PEX5L: variants seen among roughly 807,000 people sequenced by gnomAD.
PEX5L encodes PEX5-related protein.
PEX5L carries 30 observed loss-of-function variants against 84.0 expected under a neutral mutation model. That is an observed-to-expected ratio of 0.36 (90% CI 0.27 to 0.48). The LOEUF (loss-of-function observed/expected upper bound fraction) is 0.48. Among genes scored for constraint, PEX5L ranks in the 20% least tolerant of loss-of-function variants. The probability of loss-of-function intolerance (pLI) is 0.99; values close to 1 mark genes in which losing one functional copy is unlikely to be tolerated. For synonymous variants in PEX5L, 270 were observed against 283.1 expected (o/e 0.95, Z 0.46); for missense variants, 533 against 754.6 (o/e 0.71, Z 3.44).
chr3:179,823,220 A>C (rs1219775732), intron 8 of PEX5L, among the ~76,000 whole-genome samples: 1 of 152,228 alleles, frequency 6.6e-6, no homozygotes, highest in African/African-American at 2.4e-5. Context: ...CTTCTTCTAG[A>C]CATCTTCCTT....
chr3:179,838,282 T>C (rs1371693438), intron 8 of PEX5L, among the ~76,000 whole-genome samples: 2 of 152,180 alleles, frequency 1.3e-5, no homozygotes, highest in Non-Finnish European at 2.9e-5. Flanking sequence ...ATCAGAGATA[T>C]CATGTGATTC....
At chr3:180,003,491 A>T (rs1489652570) in intron 1 of PEX5L, among the ~76,000 whole-genome samples, 2 of 152,144 alleles carry the variant, frequency 1.3e-5, no homozygotes, top group African/African-American at 4.8e-5. Context: ...GTGATATTTT[A>T]ATTTTTTAAA....
intron 3 of PEX5L, among the ~76,000 whole-genome samples, chr3:179,894,673 C>A (rs1313945665): frequency 6.6e-6 from 1 of 152,004 alleles, no homozygotes; most frequent in Non-Finnish European, 1.5e-5. Context: ...TTCTTCCAAT[C>A]GAGGACATTA....
intron 8 of PEX5L, among the ~76,000 whole-genome samples, chr3:179,828,866 A>G (rs1228166348): frequency 2.0e-5 from 3 of 152,178 alleles, no homozygotes; most frequent in Non-Finnish European, 4.4e-5. Context: ...CTCATCTCCA[A>G]TTAGCCAGCA....
At chr3:179,923,412 A>G (rs548040203) in intron 2 of PEX5L, among the ~76,000 whole-genome samples, 1 of 152,194 alleles carries the variant, frequency 6.6e-6, no homozygotes, top group South Asian at 2.1e-4. Context: ...ACACTGGGGA[A>G]ATTAAAATTG....
rs535116434 is a variant in PEX5L, at chr3:179,961,508, G to T, written c.93+10086C>A. Among the ~76,000 whole-genome samples the T allele has an allele frequency of 7.9e-5, 12 of 152,246 alleles. No individual in the cohort carries two copies. The South Asian group carries it at 2.5e-3, about 32-fold the overall frequency. On this transcript the variant is annotated intron_variant, in intron 2 of 14. Coordinates refer to ENST00000467460, the MANE Select transcript of PEX5L (RefSeq NM_016559.3). ...AGACATGCACTGTAAAGTCTGGATG[G>T]AGAGAAGTAAAAGCGCAACCACAGA... is the stretch of plus-strand genomic sequence containing the variant.
chr3:179,828,686 T>C (rs1225720315), intron 8 of PEX5L, among the ~76,000 whole-genome samples: 1 of 152,176 alleles, frequency 6.6e-6, no homozygotes, highest in Non-Finnish European at 1.5e-5. Flanking sequence ...TGTGTGTGTG[T>C]GTGTTTAGGG....
chr3:179,896,260 T>C (rs1484261469), intron 3 of PEX5L: 2 of 152,150 alleles, frequency 1.3e-5, no homozygotes, highest in African/African-American at 2.4e-5. Context: ...TGTAATACTA[T>C]CAACACAACA....
At chr3:179,906,479 C>G (rs1476480163) in intron 2 of PEX5L, among the ~76,000 whole-genome samples, 2 of 152,036 alleles carry the variant, frequency 1.3e-5, no homozygotes, top group Non-Finnish European at 2.9e-5. Context: ...TTTTCTTTTG[C>G]CTTTGGCCTT....
At chr3:179,855,309 T>A (rs1441360779) in intron 8 of PEX5L, among the ~76,000 whole-genome samples, 1 of 152,234 alleles carries the variant, frequency 6.6e-6, no homozygotes, top group African/African-American at 2.4e-5. Context: ...GCTCCAGGCA[T>A]GATTTTCATC....
intron 1 of PEX5L, among the ~76,000 whole-genome samples, chr3:180,031,402 C>T (rs1283530506): frequency 6.6e-6 from 1 of 152,094 alleles, no homozygotes; most frequent in East Asian, 1.9e-4. Context: ...AGAAACATAA[C>T]CCCCACTTCA....
At chr3:179,995,754 TA>T (rs1345292485) in intron 1 of PEX5L, among the ~76,000 whole-genome samples, 1 of 152,054 alleles carries the variant, frequency 6.6e-6, no homozygotes, top group Non-Finnish European at 1.5e-5. Context: ...GCTGAAATTG[TA>T]AAAAAACAGA....
intron 1 of PEX5L, among the ~76,000 whole-genome samples, chr3:179,982,012 A>G (rs550213367): frequency 6.6e-6 from 1 of 152,318 alleles, no homozygotes; most frequent in African/African-American, 2.4e-5. Context: ...ATCAAACCTA[A>G]TGTGTTTTTA....
intron 8 of PEX5L, among the ~76,000 whole-genome samples, chr3:179,838,095 G>T (rs916962757): frequency 1.3e-5 from 2 of 152,148 alleles, no homozygotes; most frequent in East Asian, 3.8e-4. Flanking sequence ...CAATAAAGAC[G>T]TTATGTATCT....
chr3:179,824,728 AAG>A (rs1380438455), intron 8 of PEX5L, among the ~76,000 whole-genome samples: 6 of 151,022 alleles, frequency 4.0e-5, no homozygotes, highest in Admixed American at 1.3e-4. Context: ...AAAAAAAAAA[AAG>A]CAGTACTTCT....
intron 1 of PEX5L, among the ~76,000 whole-genome samples, chr3:179,998,070 G>A (rs1435963066): frequency 1.3e-5 from 2 of 152,216 alleles, no homozygotes; most frequent in East Asian, 1.9e-4. Flanking sequence ...TGAAACATTT[G>A]TGTGCCACAG....
chr3:179,954,735 C>G (rs916854329), intron 2 of PEX5L, among the ~76,000 whole-genome samples: 3 of 152,100 alleles, frequency 2.0e-5, no homozygotes, highest in Non-Finnish European at 4.4e-5. Flanking sequence ...TGCTGCTTGA[C>G]TAGCTATGTG....
chr3:179,979,973 A>G (rs1786168256), intron 1 of PEX5L, among the ~76,000 whole-genome samples: 1 of 152,130 alleles, frequency 6.6e-6, no homozygotes, highest in African/African-American at 2.4e-5. Context: ...ACTGATCTGG[A>G]CATCATGATT....
intron 8 of PEX5L, among the ~76,000 whole-genome samples, chr3:179,823,016 T>A (rs553589576): frequency 6.6e-6 from 1 of 152,322 alleles, no homozygotes; most frequent in African/African-American, 2.4e-5. Context: ...TTAGTTGTTA[T>A]GACAACTAAA....
Sources: allele counts gnomAD v4.1 joint callset (sites outside exome capture counted in the v4.1 genomes callset), GRCh38; gene constraint gnomAD v4.1.1; transcripts MANE v1.5; gene names NCBI Gene and HGNC (gene_info 2026-07-23, HGNC 2026-07-21).